BMP8A: variants seen among roughly 807,000 people sequenced by gnomAD.
BMP8A encodes the protein bone morphogenetic protein 8a.
In BMP8A, 14 loss-of-function variants were observed where a neutral mutation model predicts 36.8. The observed-to-expected ratio is 0.38, with a 90% CI of 0.25 to 0.60. The LOEUF is 0.60. Ranked by LOEUF, BMP8A falls within the 20% of genes least tolerant of loss-of-function variation. The pLI is 0.63. For synonymous variants in BMP8A, 120 were observed against 237.7 expected, an observed-to-expected ratio of 0.50 and a Z score of 4.55; for missense variants, 267 against 551.1, an observed-to-expected ratio of 0.48 and a Z score of 5.16.
chr1:39,517,579 C>A (rs540398336), intron 3 of BMP8A, among the ~76,000 whole-genome samples: 1 of 152,306 alleles, frequency 6.6e-6, no homozygotes, highest in South Asian at 2.1e-4. Context: ...CCTGCCTTGG[C>A]CTCCCAAAGT....
rs992831621 is a variant in BMP8A at position 39,491,855 on chromosome 1, G to A, written c.-137G>A. ...GCGCGGGGGGCGCTCCAGGGACCGCGCTGAGGCCGCAGACGCCGCCCGCCG... is the reference window on the plus strand; with the variant it reads ...GCGCGGGGGGCGCTCCAGGGACCGCACTGAGGCCGCAGACGCCGCCCGCCG... On this transcript the variant is annotated 5_prime_UTR_variant, in exon 1 of 7. Transcript: ENST00000331593. The A allele has an allele frequency of 1.8e-5, 14 of 786,644 alleles. No homozygotes were observed. The highest frequency in any genetic ancestry group is 5.6e-5 in the African/African-American group (3 of 53,290). The allele number at this position is 786,644 out of a possible 1,614,324, so 48.7% of individuals were successfully genotyped here.
chr1:39,500,064 T>C lies in BMP8A; in HGVS notation c.334+7739T>C, dbSNP rs1029824564. 4.6e-5 allele frequency among the ~76,000 whole-genome samples: 7 copies of C among 152,338 alleles called. No individual in the cohort carries two copies. In the East Asian group the frequency reaches 1.3e-3, roughly 29 times the overall value. ...CTTGGAGATGAACTGGCCTTGCCTG[T>C]CACTCCAACCTCCTCATACACCTCA... is the stretch of plus-strand genomic sequence containing the variant. On this transcript the variant is annotated intron_variant, in intron 1 of 6. Coordinates refer to ENST00000331593, the MANE Select transcript of BMP8A (RefSeq NM_181809.4).
chr1:39,506,282 T>A (rs1483231995), intron 1 of BMP8A, among the ~76,000 whole-genome samples: 1 of 152,156 alleles, frequency 6.6e-6, no homozygotes, highest in Non-Finnish European at 1.5e-5. Context: ...CAATCTTGGC[T>A]CACTGCAACC....
At chr1:39,503,508 C>CTTTT (rs35892449) in intron 1 of BMP8A, among the ~76,000 whole-genome samples, 18 of 69,994 alleles carry the variant, frequency 2.6e-4, no homozygotes, top group Non-Finnish European at 4.1e-4. Flanking sequence ...TACAGTCTTT[C>CTTTT]TTTTTTTTTT....
chr1:39,518,036 CCCAA>C (rs1359051695), intron 3 of BMP8A, among the ~76,000 whole-genome samples: 1 of 152,032 alleles, frequency 6.6e-6, no homozygotes, highest in Admixed American at 6.5e-5. Flanking sequence ...TCCGTTGTAA[CCCAA>C]GAGGCTGCGA....
At chr1:39,505,508 A>G (rs543460185) in intron 1 of BMP8A, among the ~76,000 whole-genome samples, 4 of 152,324 alleles carry the variant, frequency 2.6e-5, no homozygotes, top group South Asian at 4.1e-4. Flanking sequence ...CTTAGTACAG[A>G]TCAAAATGGA....
At chr1:39,505,061 C>T (rs762322592) in intron 1 of BMP8A, among the ~76,000 whole-genome samples, 5 of 152,150 alleles carry the variant, frequency 3.3e-5, no homozygotes, top group African/African-American at 4.8e-5. Context: ...TTTTACACCA[C>T]GACATTCCAA....
At chr1:39,517,344 C>A (rs1397638824) in intron 3 of BMP8A, among the ~76,000 whole-genome samples, 1 of 150,264 alleles carries the variant, frequency 6.7e-6, no homozygotes, top group Non-Finnish European at 1.5e-5. Flanking sequence ...TAGACAGAAT[C>A]TCACTCTGTT....
Position 39,522,291 on chromosome 1 carries a change from C to T in BMP8A, c.869-112C>T, listed in dbSNP as rs1321083065. ...TTTATGAGACCAAATGGTTTCCTGT[C>T]ATTCATTTATTTGACAAATGTGCTC... On this transcript the variant is annotated intron_variant, in intron 4 of 6. Transcript: ENST00000331593. 6.1e-6 allele frequency: 7 copies of T among 1,145,140 alleles called. No individual in the cohort carries two copies. The African/African-American group carries it at 9.0e-5, about 15-fold the overall frequency. 70.9% of individuals were successfully genotyped at this position (1,145,140 alleles called of 1,614,324 possible).
intron 5 of BMP8A, among the ~76,000 whole-genome samples, chr1:39,522,781 T>C (rs2252889): frequency 0.013 from 1,905 of 148,254 alleles, 25 homozygotes; most frequent in African/African-American, 0.041. Context: ...CTCTGGGAGG[T>C]GTGGGCAGGG....
In BMP8A at chr1:39,529,137, G is replaced by A. The variant is rs1031345321; in HGVS notation, c.*3339G>A. On this transcript the variant is annotated 3_prime_UTR_variant, in exon 7 of 7. Transcript: ENST00000331593. The stretch of plus-strand genomic sequence containing the variant: ...CTCCATGAGGGCCAAATGTGCCATG[G>A]GACACTTAGTGCCATGCCTGCGCAG... 1 of 152,172 alleles carries A rather than the reference G, an allele frequency of 6.6e-6. No individual in the cohort carries two copies. Among genetic ancestry groups the A allele is most frequent in the African/African-American group, 2.4e-5 (1 of 41,432 alleles). 9.4% of individuals were successfully genotyped at this position (152,172 alleles called of 1,614,324 possible). A position where few individuals can be genotyped will look rare whatever the true frequency, so the allele number is the denominator to read the frequency against.
At position 39,494,371 on chromosome 1, in the gene BMP8A, G is replaced by A. The variant is rs555932822; in HGVS notation, c.334+2046G>A. 4.2e-5 allele frequency among the ~76,000 whole-genome samples: 6 copies of A among 141,368 alleles called. No homozygotes were observed. In the South Asian group the frequency reaches 1.3e-3, roughly 31 times the overall value. The allele number at this position is 141,368 out of a possible 152,430, so 92.7% of individuals were successfully genotyped here. ...TTTTTTCTTTTTTTTTTTTTTAAGA[G>A]GCAGGGTTTCACTGCATTCCCCAGG... On this transcript the variant is annotated intron_variant, in intron 1 of 6. Coordinates refer to ENST00000331593, the MANE Select transcript of BMP8A (RefSeq NM_181809.4).
At chr1:39,499,072 C>A (rs557204803) in intron 1 of BMP8A, among the ~76,000 whole-genome samples, 2 of 152,326 alleles carry the variant, frequency 1.3e-5, no homozygotes, top group East Asian at 3.9e-4. Context: ...CCATGTCCAC[C>A]CACATGGCTC....
At chr1:39,508,792 G>A (rs1645325183) in intron 1 of BMP8A, among the ~76,000 whole-genome samples, 1 of 152,126 alleles carries the variant, frequency 6.6e-6, no homozygotes, top group African/African-American at 2.4e-5. Context: ...CCACACCCCA[G>A]GAAGTTTTAT....
chr1:39,497,535 G>T (rs1422090185), intron 1 of BMP8A, among the ~76,000 whole-genome samples: 4 of 152,188 alleles, frequency 2.6e-5, no homozygotes, highest in Non-Finnish European at 5.9e-5. Context: ...GTGGGTCAGG[G>T]TTTCCATAAA....
intron 3 of BMP8A, among the ~76,000 whole-genome samples, chr1:39,516,659 A>G (rs987536971): frequency 2.6e-4 from 39 of 150,078 alleles, no homozygotes; most frequent in African/African-American, 9.6e-4. Flanking sequence ...TAAAAACAAC[A>G]GGAAAACAGA....
chr1:39,508,920 A>G (rs2124349561), intron 1 of BMP8A, among the ~76,000 whole-genome samples: 1 of 152,332 alleles, frequency 6.6e-6, no homozygotes, highest in East Asian at 1.9e-4. Context: ...TCGATTTCAC[A>G]AGCCCACAGC....
intron 1 of BMP8A, among the ~76,000 whole-genome samples, chr1:39,496,188 T>C: frequency 7.3e-6 from 1 of 137,430 alleles, no homozygotes; most frequent in Admixed American, 7.2e-5. Flanking sequence ...CAAATAGTTC[T>C]GTAGCACCTA....
chr1:39,492,168 GC>G lies in BMP8A; in HGVS notation c.181del (p.Arg61AlafsTer46). The G allele has an allele frequency of 7.6e-7, 1 of 1,312,882 alleles. No homozygotes were observed. Among genetic ancestry groups the G allele is most frequent in the South Asian group, 2.1e-5 (1 of 47,072 alleles). 81.3% of individuals were successfully genotyped at this position (1,312,882 alleles called of 1,614,324 possible). A position where few individuals can be genotyped will look rare whatever the true frequency, so the allele number is the denominator to read the frequency against. On this transcript the variant is annotated frameshift_variant, in exon 1 of 7. Transcript: ENST00000331593. LOFTEE classifies it high-confidence loss of function. ...AVLGLPGRPR[P>X]RAPPAASRLP... ...TGCTCGGGCTACCCGGGCGGCCCCG[GC>G]CCCGCGCGCCACCCGCCGCCTCCCG...
Sources: gnomAD v4.1 joint callset for allele counts (sites outside exome capture counted in the v4.1 genomes callset) on GRCh38, gnomAD v4.1.1 for gene constraint, MANE v1.5 for transcripts, NCBI Gene and HGNC (gene_info 2026-07-23, HGNC 2026-07-21) for gene names.